TENM4: variants seen among roughly 807,000 people sequenced by gnomAD.
The protein encoded by TENM4 is teneurin-4.
A neutral mutation model predicts 243.3 loss-of-function variants in TENM4; 82 were observed. The ratio of observed to expected loss-of-function variants is 0.34; its 90% CI spans 0.28 to 0.40. The LOEUF is 0.40. Among genes scored for constraint, TENM4 ranks in the 10% least tolerant of loss-of-function variants. The probability of loss-of-function intolerance (pLI) is 1.00; values close to 1 mark genes in which losing one functional copy is unlikely to be tolerated. For missense variants in TENM4, 3,138 were observed against 3,673.3 expected (o/e 0.85, Z 3.77); for synonymous variants, 1,412 against 1,456.3 (o/e 0.97, Z 0.69).
intron 19 of TENM4, among the ~76,000 whole-genome samples, chr11:78,745,227 CT>C (rs1783943): frequency 0.018 from 2,301 of 128,000 alleles, 45 homozygotes; most frequent in African/African-American, 0.057. Context: ...TTTTCTTTTT[CT>C]TTTTTTTTTT....
intron 2 of TENM4, among the ~76,000 whole-genome samples, chr11:79,277,090 C>T (rs1856070249): frequency 6.6e-6 from 1 of 152,144 alleles, no homozygotes; most frequent in African/African-American, 2.4e-5. Context: ...AGGAGTGAGG[C>T]AGGCTGAGCC....
At chr11:79,192,571 A>G (rs1397517740) in intron 3 of TENM4, among the ~76,000 whole-genome samples, 2 of 151,754 alleles carry the variant, frequency 1.3e-5, no homozygotes, top group Admixed American at 6.6e-5. Flanking sequence ...TGAAGGCAGC[A>G]TGCTCGTTTA....
chr11:78,668,914 C>A lies in TENM4; in HGVS notation c.7408+23G>T, dbSNP rs759383788. ...TAAGAGCACTTTATGGGGTCCTGCC[C>A]CTGAGTGAGCCGTGGTCCTTACCTG... On this transcript the variant is annotated intron_variant, in intron 32 of 33. Coordinates refer to ENST00000278550, the MANE Select transcript of TENM4 (RefSeq NM_001098816.3). The A allele has an allele frequency of 6.9e-6, 11 of 1,599,112 alleles. No homozygotes were observed. In the Admixed American group the frequency reaches 1.7e-4, roughly 25 times the overall value.
chr11:78,754,947 G>C (rs1327092691), intron 19 of TENM4, among the ~76,000 whole-genome samples: 3 of 152,152 alleles, frequency 2.0e-5, no homozygotes, highest in Non-Finnish European at 4.4e-5. Flanking sequence ...ACGACTCCTT[G>C]CAAGGATGGG....
At chr11:79,388,741 G>A (rs974393625) in intron 1 of TENM4, among the ~76,000 whole-genome samples, 2 of 152,216 alleles carry the variant, frequency 1.3e-5, no homozygotes, top group East Asian at 3.9e-4. Flanking sequence ...CACAGTCATG[G>A]AGGGTTCCAA....
chr11:78,694,608 C>A (rs1305493530), intron 28 of TENM4, among the ~76,000 whole-genome samples: 1 of 152,186 alleles, frequency 6.6e-6, no homozygotes, highest in Non-Finnish European at 1.5e-5. Flanking sequence ...CTTGGCGACT[C>A]ATGGCTAACA....
intron 21 of TENM4, 114 bp from the exon 22 acceptor site, chr11:78,729,757 G>A (rs1191076904): frequency 5.9e-6 from 8 of 1,358,222 alleles, no homozygotes; most frequent in Non-Finnish European, 6.9e-6. Context: ...AAAGGCAGAA[G>A]GAGAGAGGAG....
intron 6 of TENM4, among the ~76,000 whole-genome samples, chr11:79,043,531 C>A (rs1859589748): frequency 6.6e-6 from 1 of 152,144 alleles, no homozygotes; most frequent in Admixed American, 6.5e-5. Context: ...GGGTACATAA[C>A]ATGAGAAATA....
Position 78,653,838 on chromosome 11 carries a change from C to G in TENM4, c.*4220G>C, listed in dbSNP as rs1857828572. 1 of 152,396 alleles carries G rather than the reference C, an allele frequency of 6.6e-6. No homozygotes were observed. The highest frequency in any genetic ancestry group is 2.1e-4 in the South Asian group (1 of 4,832). The allele number at this position is 152,396 out of a possible 1,614,324, so 9.4% of individuals were successfully genotyped here. A position where few individuals can be genotyped will look rare whatever the true frequency, so the allele number is the denominator to read the frequency against. On this transcript the variant is annotated 3_prime_UTR_variant, in exon 34 of 34. Transcript: ENST00000278550. Reference sequence around the variant, plus strand: ...ATTGGCCCTCGCCTGGGCCTTCCCACACTCTGATATTCCACATTCGTAATG... The same window carrying G: ...ATTGGCCCTCGCCTGGGCCTTCCCAGACTCTGATATTCCACATTCGTAATG...
chr11:79,307,337 C>T (rs1856642877), intron 1 of TENM4, among the ~76,000 whole-genome samples: 2 of 152,218 alleles, frequency 1.3e-5, no homozygotes, highest in Middle Eastern at 6.8e-3. Context: ...TCTGCTGATC[C>T]CCATCTCAAT....
At chr11:78,720,256 C>T (rs1859614417) in intron 25 of TENM4, 114 bp downstream of exon 25, 2 of 1,254,416 alleles carry the variant, frequency 1.6e-6, no homozygotes, top group East Asian at 2.3e-5. Context: ...CAATCAGTTC[C>T]AATCACACAG....
chr11:79,228,408 G>T (rs1338724925), intron 2 of TENM4, among the ~76,000 whole-genome samples: 1 of 152,152 alleles, frequency 6.6e-6, no homozygotes, highest in Admixed American at 6.5e-5. Context: ...AGAACAGCAG[G>T]GCTGTTAATG....
At position 79,314,231 on chromosome 11, in the gene TENM4, A is replaced by G. The variant is rs1022605245; in HGVS notation, c.-320-16688T>C. Reference sequence around the variant, plus strand: ...TGCCTGCCTCGTGGTGTCACCATGAAACTCAAGTGAATTATAAAGGCAATG... The same window carrying G: ...TGCCTGCCTCGTGGTGTCACCATGAGACTCAAGTGAATTATAAAGGCAATG... On this transcript the variant is annotated intron_variant, in intron 1 of 33. Transcript: ENST00000278550. Among the ~76,000 whole-genome samples the G allele has an allele frequency of 1.1e-4, 16 of 152,200 alleles. 1 individual carries two copies. Among genetic ancestry groups the G allele is most frequent in the African/African-American group, 3.9e-4 (16 of 41,460 alleles).
intron 2 of TENM4, among the ~76,000 whole-genome samples, chr11:79,278,635 C>T (rs528913135): frequency 5.9e-4 from 90 of 152,244 alleles, no homozygotes; most frequent in African/African-American, 1.9e-3. Context: ...ATTTTATTGA[C>T]GTTAAACTGA....
chr11:78,879,864 G>T (rs1460739153), intron 9 of TENM4, among the ~76,000 whole-genome samples: 1 of 152,162 alleles, frequency 6.6e-6, no homozygotes, highest in Admixed American at 6.5e-5. Flanking sequence ...TCTGGGAACT[G>T]AGGAGCACCT....
chr11:79,014,843 G>C (rs1311495047), intron 6 of TENM4: 1 of 152,184 alleles, frequency 6.6e-6, no homozygotes, highest in Non-Finnish European at 1.5e-5. Flanking sequence ...TTATAACCAG[G>C]AAGGCTAAGT....
At chr11:79,216,769 C>T (rs1293936729) in intron 2 of TENM4, among the ~76,000 whole-genome samples, 5 of 152,216 alleles carry the variant, frequency 3.3e-5, no homozygotes, top group African/African-American at 1.2e-4. Flanking sequence ...TTGGATTTCT[C>T]AGCCTCCAGA....
chr11:79,196,849 C>T (rs1413732276), intron 3 of TENM4, among the ~76,000 whole-genome samples: 1 of 152,162 alleles, frequency 6.6e-6, no homozygotes, highest in African/African-American at 2.4e-5. Flanking sequence ...ACCTGACCCA[C>T]ATTTCTAGAA....
intron 1 of TENM4, among the ~76,000 whole-genome samples, chr11:79,325,397 G>A (rs979996329): frequency 6.6e-6 from 1 of 152,178 alleles, no homozygotes; most frequent in African/African-American, 2.4e-5. Flanking sequence ...ACTCACAGCT[G>A]TTTGAATGAA....
Sources: gnomAD v4.1 joint callset for allele counts (sites outside exome capture counted in the v4.1 genomes callset) on GRCh38, gnomAD v4.1.1 for gene constraint, MANE v1.5 for transcripts, NCBI Gene and HGNC (gene_info 2026-07-23, HGNC 2026-07-21) for gene names.